The following LYPD6B variants were observed in gnomAD, a reference collection of about 807,000 sequenced individuals.
The protein encoded by LYPD6B is ly6/PLAUR domain-containing protein 6B.
In LYPD6B, 17 loss-of-function variants were observed where a neutral mutation model predicts 22.8. The ratio of observed to expected loss-of-function variants is 0.75; its 90% CI spans 0.51 to 1.12. The LOEUF is 1.12. Ranked by LOEUF, LYPD6B falls within the 50% of genes most tolerant of loss-of-function variation. The probability of loss-of-function intolerance (pLI) is 0.00; values close to 1 mark genes in which losing one functional copy is unlikely to be tolerated. For synonymous variants in LYPD6B, 106 were observed against 91.6 expected, an observed-to-expected ratio of 1.16 and a Z score of -0.90; for missense variants, 221 against 258.3, an observed-to-expected ratio of 0.86 and a Z score of 0.99.
At chr2:149,118,942 G>A (rs1249436911) in intron 1 of LYPD6B, among the ~76,000 whole-genome samples, 1 of 152,166 alleles carries the variant, frequency 6.6e-6, no homozygotes, top group African/African-American at 2.4e-5. Context: ...GGAAGGATCT[G>A]TCAAAGGTAA....
intron 1 of LYPD6B, among the ~76,000 whole-genome samples, chr2:149,040,048 C>G (rs187006262): frequency 1.2e-3 from 189 of 152,166 alleles, no homozygotes; most frequent in African/African-American, 4.2e-3. Context: ...TCTTGTATAT[C>G]TTAGCTGTTT....
chr2:149,112,380 T>C (rs1394701344), intron 1 of LYPD6B, among the ~76,000 whole-genome samples: 1 of 152,170 alleles, frequency 6.6e-6, no homozygotes, highest in African/African-American at 2.4e-5. Context: ...CCTCACAAGG[T>C]TTAATATGTG....
chr2:149,038,941 T>TCGCGGGGC (rs546636630), intron 1 of LYPD6B, 140 bp downstream of exon 1: 44 of 148,082 alleles, frequency 3.0e-4, no homozygotes, highest in African/African-American at 6.9e-4. Flanking sequence ...AGCCAGGAGC[T>TCGCGGGGC]CGCGGGGCCG....
Position 149,107,069 on chromosome 2 carries a change from A to G in LYPD6B, c.-66-23814A>G, listed in dbSNP as rs377213501. On this transcript the variant is annotated intron_variant, in intron 1 of 6. Coordinates refer to ENST00000409642, the MANE Select transcript of LYPD6B (RefSeq NM_177964.5). Reference sequence around the variant, plus strand: ...TAATTAGGCACAATAAGAGATTAACAACAATAACTAATAATAGAACAATTA... The same window carrying G: ...TAATTAGGCACAATAAGAGATTAACGACAATAACTAATAATAGAACAATTA... Among the ~76,000 whole-genome samples the G allele has an allele frequency of 9.8e-5, 15 of 152,338 alleles. No homozygotes were observed. The South Asian group carries it at 2.9e-3, about 29-fold the overall frequency.
chr2:149,186,024 C>T (rs533543065), intron 3 of LYPD6B, among the ~76,000 whole-genome samples: 4 of 152,222 alleles, frequency 2.6e-5, no homozygotes, highest in Non-Finnish European at 5.9e-5. Flanking sequence ...TTGAGACATA[C>T]ACTATTGAAA....
chr2:149,046,500 T>G (rs367551654), intron 1 of LYPD6B, among the ~76,000 whole-genome samples: 25 of 152,086 alleles, frequency 1.6e-4, no homozygotes, highest in East Asian at 9.7e-4. Flanking sequence ...TTGAGCTTTT[T>G]TTGTTGTTGT....
intron 3 of LYPD6B, among the ~76,000 whole-genome samples, chr2:149,182,270 A>G (rs1195274677): frequency 6.6e-6 from 1 of 152,194 alleles, no homozygotes; most frequent in African/African-American, 2.4e-5. Flanking sequence ...TACTCCAGTT[A>G]TTTAATGCAT....
chr2:149,097,184 C>T (rs908531544), intron 1 of LYPD6B, among the ~76,000 whole-genome samples: 3 of 152,232 alleles, frequency 2.0e-5, no homozygotes, highest in African/African-American at 7.2e-5. Flanking sequence ...TGCCCTGCAC[C>T]GCCACCCCTG....
chr2:149,205,370 C>A lies in LYPD6B; in HGVS notation c.195C>A (p.Asn65Lys). Residue 65 changes from asparagine (N) to lysine (K), a missense_variant, in exon 4 of 7, where the codon AAC becomes AAA. Coordinates refer to ENST00000409642, the MANE Select transcript of LYPD6B (RefSeq NM_177964.5). ...CAGAAAGCTGGGCATTTGCCAAGAA[C>A]ATCAACTTCTATAATGTGAGGCCTC... Reference protein sequence around the residue: ...IFSESWAFAKNINFYNVRPPL... With the variant: ...IFSESWAFAKKINFYNVRPPL... The A allele has an allele frequency of 6.2e-7, 1 of 1,613,990 alleles. No individual in the cohort carries two copies. Among genetic ancestry groups the A allele is most frequent in the South Asian group, 1.1e-5 (1 of 91,082 alleles).
At chr2:149,047,167 G>A (rs552419205) in intron 1 of LYPD6B, among the ~76,000 whole-genome samples, 6 of 152,180 alleles carry the variant, frequency 3.9e-5, no homozygotes, top group African/African-American at 1.4e-4. Context: ...TTTTCTTTGT[G>A]TAGATCCAAG....
chr2:149,098,117 T>G (rs1475865488), intron 1 of LYPD6B, among the ~76,000 whole-genome samples: 1 of 152,178 alleles, frequency 6.6e-6, no homozygotes, highest in Non-Finnish European at 1.5e-5. Context: ...TACGAGATAA[T>G]AGACCCAGCT....
intron 1 of LYPD6B, among the ~76,000 whole-genome samples, chr2:149,126,930 T>G (rs966204821): frequency 8.6e-6 from 1 of 116,956 alleles, no homozygotes; most frequent in Non-Finnish European, 1.8e-5. Flanking sequence ...TGCCTTCTGG[T>G]CATTTTTTTT....
chr2:149,053,051 T>C lies in LYPD6B; in HGVS notation c.-67+14250T>C, dbSNP rs542474159. 4.1e-4 allele frequency among the ~76,000 whole-genome samples: 62 copies of C among 152,324 alleles called. 2 individuals carry two copies. The highest frequency in any genetic ancestry group is 1.3e-3 in the African/African-American group (56 of 41,582). ...AACTGAAGAGTTGAATTTTTTAATT[T>C]TGATGAATTCTAATTAATTTGTATT... On this transcript the variant is annotated intron_variant, in intron 1 of 6. Coordinates refer to ENST00000409642, the MANE Select transcript of LYPD6B (RefSeq NM_177964.5).
intron 1 of LYPD6B, among the ~76,000 whole-genome samples, chr2:149,079,829 G>A (rs1484321708): frequency 6.6e-6 from 1 of 152,144 alleles, no homozygotes; most frequent in Non-Finnish European, 1.5e-5. Flanking sequence ...CCCACCCAGA[G>A]GGGTTAGCAG....
At chr2:149,162,685 A>C (rs1690155674) in intron 3 of LYPD6B, among the ~76,000 whole-genome samples, 1 of 152,218 alleles carries the variant, frequency 6.6e-6, no homozygotes, top group Admixed American at 6.5e-5. Flanking sequence ...CAATTTTAAA[A>C]GGTGCCAGTT....
intron 2 of LYPD6B, among the ~76,000 whole-genome samples, chr2:149,139,361 A>G (rs1158843153): frequency 6.6e-6 from 1 of 152,184 alleles, no homozygotes; most frequent in East Asian, 1.9e-4. Flanking sequence ...TAGCTTGATT[A>G]GCACACAGCT....
intron 1 of LYPD6B, among the ~76,000 whole-genome samples, chr2:149,058,420 T>C (rs1683907172): frequency 6.6e-6 from 1 of 152,208 alleles, no homozygotes; most frequent in African/African-American, 2.4e-5. Context: ...TGCATTTTGG[T>C]ACAAGCTTAA....
chr2:149,054,196 C>T (rs1348231122), intron 1 of LYPD6B, among the ~76,000 whole-genome samples: 2 of 152,160 alleles, frequency 1.3e-5, no homozygotes, highest in African/African-American at 4.8e-5. Flanking sequence ...AGCAGCTGTG[C>T]CATTTTACAT....
chr2:149,148,109 A>G (rs529136198), intron 2 of LYPD6B, among the ~76,000 whole-genome samples: 1 of 152,324 alleles, frequency 6.6e-6, no homozygotes, highest in South Asian at 2.1e-4. Flanking sequence ...GCAATATTCC[A>G]GTGCCTCCTG....
Sources: gnomAD v4.1 joint callset for allele counts (sites outside exome capture counted in the v4.1 genomes callset) on GRCh38, gnomAD v4.1.1 for gene constraint, MANE v1.5 for transcripts, NCBI Gene and HGNC (gene_info 2026-07-23, HGNC 2026-07-21) for gene names.